IGF2R: variants seen among roughly 807,000 people sequenced by gnomAD.
IGF2R encodes the protein cation-independent mannose-6-phosphate receptor.
Under a neutral mutation model 270.6 loss-of-function variants are expected in IGF2R, and 91 were observed. The observed-to-expected ratio is 0.34, with a 90% CI of 0.28 to 0.40. The LOEUF (loss-of-function observed/expected upper bound fraction) is 0.40. IGF2R is among the 10% of genes least tolerant of loss of function. The probability of loss-of-function intolerance (pLI) is 1.00; values close to 1 mark genes in which losing one functional copy is unlikely to be tolerated. For missense variants in IGF2R, 2,805 were observed against 3,188.3 expected (o/e 0.88, Z 2.90); for synonymous variants, 1,316 against 1,258.9 (o/e 1.05, Z -0.96).
chr6:159,969,089 T>C lies in IGF2R; in HGVS notation c.-158T>C, dbSNP rs554717231. On this transcript the variant is annotated 5_prime_UTR_variant, in exon 1 of 48. Transcript: ENST00000356956. ...GGTTCCGGGGCCGCCGCTGCCGCTGTCGCTGTCGCCGAGCCCAGTCGAGCC... is the reference window on the plus strand; with the variant it reads ...GGTTCCGGGGCCGCCGCTGCCGCTGCCGCTGTCGCCGAGCCCAGTCGAGCC... The C allele has an allele frequency of 2.0e-3, 522 of 257,848 alleles. 4 individuals are homozygous for C. The highest frequency in any genetic ancestry group is 0.011 in the African/African-American group (492 of 43,018). The allele number at this position is 257,848 out of a possible 1,614,324, so 16.0% of individuals were successfully genotyped here.
chr6:159,992,751 AT>A (rs976080091), intron 2 of IGF2R, among the ~76,000 whole-genome samples: 1 of 151,914 alleles, frequency 6.6e-6, no homozygotes, highest in Non-Finnish European at 1.5e-5. Flanking sequence ...CTTTCTGATG[AT>A]TTTTTTCCTT....
chr6:160,005,342 T>A (rs1171710495), intron 2 of IGF2R: 1 of 152,220 alleles, frequency 6.6e-6, no homozygotes, highest in African/African-American at 2.4e-5. Context: ...GGGAGCTGAC[T>A]GGGGGCCTGG....
intron 44 of IGF2R, among the ~76,000 whole-genome samples, chr6:160,092,495 C>T (rs1779248857): frequency 6.6e-6 from 1 of 152,272 alleles, no homozygotes; most frequent in Non-Finnish European, 1.5e-5. Context: ...AATAAAATCC[C>T]TTTCAGACCT....
At chr6:159,973,161 A>C (rs181101387) in intron 1 of IGF2R, among the ~76,000 whole-genome samples, 207 of 152,206 alleles carry the variant, frequency 1.4e-3, no homozygotes, top group Admixed American at 2.2e-3. Flanking sequence ...ATTCAGGAGG[A>C]GAGGAGCAGA....
chr6:160,089,063 T>C, intron 42 of IGF2R, 44 bp from the exon 43 acceptor site: 1 of 1,592,010 alleles, frequency 6.3e-7, no homozygotes, highest in Non-Finnish European at 8.6e-7. Context: ...TTCCCTTATG[T>C]CTGGCTGGGG....
At chr6:160,074,136 A>C in intron 35 of IGF2R, 161 bp downstream of exon 35, 1 of 614,010 alleles carries the variant, frequency 1.6e-6, no homozygotes. Flanking sequence ...GGAAGATTAA[A>C]GGTTTGCACA....
chr6:160,061,093 G>A (rs1778429206), intron 23 of IGF2R, among the ~76,000 whole-genome samples: 2 of 152,232 alleles, frequency 1.3e-5, no homozygotes, highest in African/African-American at 4.8e-5. Flanking sequence ...AGCTGACAGT[G>A]TATACAGGAG....
intron 30 of IGF2R, among the ~76,000 whole-genome samples, chr6:160,069,580 A>G (rs2115271360): frequency 6.6e-6 from 1 of 152,328 alleles, no homozygotes; most frequent in South Asian, 2.1e-4. Flanking sequence ...TATAACCTTC[A>G]TCCTATATGG....
chr6:160,062,965 A>G (rs921303114), intron 26 of IGF2R, among the ~76,000 whole-genome samples: 1 of 128,440 alleles, frequency 7.8e-6, no homozygotes, highest in Non-Finnish European at 1.7e-5. Flanking sequence ...TGTATTATAT[A>G]TAAACAAAAT....
At chr6:160,062,768 GC>G in intron 26 of IGF2R, 149 bp downstream of exon 26, 1 of 555,102 alleles carries the variant, frequency 1.8e-6, no homozygotes, top group Non-Finnish European at 3.1e-6. Context: ...TTTTCCTTGA[GC>G]TTTTTTTTTT....
intron 4 of IGF2R, among the ~76,000 whole-genome samples, chr6:160,017,206 A>G (rs886243941): frequency 3.9e-5 from 6 of 152,214 alleles, no homozygotes; most frequent in Non-Finnish European, 7.3e-5. Context: ...TGAAAAATTT[A>G]TTATAGGAAT....
At chr6:160,074,113 TGG>T in intron 35 of IGF2R, 138 bp downstream of exon 35, 1 of 640,938 alleles carries the variant, frequency 1.6e-6, no homozygotes, top group East Asian at 2.7e-5. Context: ...GTGTATGTTC[TGG>T]GTCCGCTACT....
At position 160,088,096 on chromosome 6, in the gene IGF2R, C is replaced by T. The variant is rs774167573; in HGVS notation, c.6269C>T (p.Ser2090Phe). 6.2e-7 allele frequency: 1 copy of T among 1,614,080 alleles called. No homozygotes were observed. Among genetic ancestry groups the T allele is most frequent in the South Asian group, 1.1e-5 (1 of 91,076 alleles). ...YPCGGNKTAS[S>F]VIELTCTKTV... ...TGTGGTGGAAATAAGACCGCATCCT[C>T]CGTGATAGAATTGACCTGTACAAAG... is the stretch of plus-strand genomic sequence containing the variant. The change falls in exon 42 of 48, where the codon TCC becomes TTC. Residue 2090 changes from serine (S) to phenylalanine (F), a missense_variant. By Grantham distance (155) the Ser-to-Phe change is radical. Coordinates refer to ENST00000356956, the MANE Select transcript of IGF2R (RefSeq NM_000876.4).
At chr6:160,078,756 C>G (rs1253671509) in intron 37 of IGF2R, among the ~76,000 whole-genome samples, 1 of 152,150 alleles carries the variant, frequency 6.6e-6, no homozygotes, top group Non-Finnish European at 1.5e-5. Context: ...TTCCTCCAAC[C>G]TGGTTGAAGA....
chr6:160,070,773 C>T (rs529535510), intron 31 of IGF2R, among the ~76,000 whole-genome samples: 215 of 152,260 alleles, frequency 1.4e-3, no homozygotes, highest in African/African-American at 4.6e-3. Context: ...CAGGGTGGCT[C>T]GCCCCATGCT....
chr6:160,058,155 C>G (rs945282026), intron 21 of IGF2R, 31 bp downstream of exon 21: 1 of 1,443,510 alleles, frequency 6.9e-7, no homozygotes, highest in African/African-American at 1.4e-5. Flanking sequence ...TTCCAGTTTG[C>G]TTTGAAACAG....
rs1436226824 is a variant in IGF2R at position 160,040,572 on chromosome 6, A to G, written c.1328A>G (p.Lys443Arg). The change falls in exon 11 of 48, where the codon AAA (lysine) becomes AGA (arginine). Residue 443 changes from lysine (K) to arginine (R), a missense_variant. Physicochemically the swap from Lys to Arg is conservative, Grantham distance 26 (BLOSUM62 2). This residue lies in a region of IGF2R where 954 missense variants were observed against 981.1 expected (regional missense o/e 0.97). Coordinates refer to ENST00000356956, the MANE Select transcript of IGF2R (RefSeq NM_000876.4). ...ECNKTAGNDG[K>R]GTPVFTGEVD... ...TTGAATTGTGCAGGTAACGATGGGA[A>G]AGGAACTCCTGTATTCACAGGGGAG... 6.2e-7 allele frequency: 1 copy of G among 1,614,062 alleles called. No homozygotes were observed. The highest frequency in any genetic ancestry group is 8.5e-7 in the Non-Finnish European group (1 of 1,179,924).
At chr6:159,978,178 T>C (rs1398421349) in intron 1 of IGF2R, among the ~76,000 whole-genome samples, 1 of 152,172 alleles carries the variant, frequency 6.6e-6, no homozygotes, top group African/African-American at 2.4e-5. Context: ...AGCTTCCTCA[T>C]GAGAAAGAAA....
chr6:160,014,977 G>A (rs1359770606), intron 4 of IGF2R, among the ~76,000 whole-genome samples: 1 of 152,208 alleles, frequency 6.6e-6, no homozygotes, highest in African/African-American at 2.4e-5. Context: ...AGGCAACTTT[G>A]CTTTGAGGAT....
Sources: gnomAD v4.1 joint callset for allele counts (sites outside exome capture counted in the v4.1 genomes callset) on GRCh38, gnomAD v4.1.1 for gene constraint, gnomAD v4.1.1 regional missense constraint, MANE v1.5 for transcripts, NCBI Gene and HGNC (gene_info 2026-07-23, HGNC 2026-07-21) for gene names.